The following TRPC5 variants were observed in gnomAD, a reference collection of about 807,000 sequenced individuals.
The protein encoded by TRPC5 is short transient receptor potential channel 5.
Under a neutral mutation model 56.5 loss-of-function variants are expected in TRPC5, and 9 were observed. The observed-to-expected ratio is 0.16, with a 90% CI of 0.10 to 0.28. TRPC5 has a LOEUF of 0.28. TRPC5 is among the 10% of genes least tolerant of loss of function. The pLI, the probability that TRPC5 is intolerant of heterozygous loss-of-function variation, is 1.00. For missense variants in TRPC5, 469 were observed against 748.9 expected, an observed-to-expected ratio of 0.63 and a Z score of 4.36; for synonymous variants, 282 against 278.5, an observed-to-expected ratio of 1.01 and a Z score of -0.13.
intron 2 of TRPC5, among the ~76,000 whole-genome samples, chrX:111,920,271 T>C (rs1185023128): frequency 9.3e-6 from 1 of 108,040 alleles, no homozygotes; most frequent in Non-Finnish European, 1.9e-5. Flanking sequence ...CGAGACTCTG[T>C]CTCAACAAAA....
At chrX:112,029,829 CT>C (rs35476875) in intron 1 of TRPC5, among the ~76,000 whole-genome samples, 16,397 of 98,427 alleles carry the variant, frequency 0.17, 1,441 homozygotes, top group African/African-American at 0.31. Context: ...AAGCCTCATC[CT>C]TTTTTTTTTT....
intron 6 of TRPC5, among the ~76,000 whole-genome samples, chrX:111,840,008 A>C (rs1287115069): frequency 9.0e-6 from 1 of 111,412 alleles, no homozygotes; most frequent in Non-Finnish European, 1.9e-5. Context: ...ATCTCTACTA[A>C]AAATACAAAA....
rs1927111883 is a variant in TRPC5 at position 111,952,307 on chromosome X, A to G, written c.114T>C (p.Asn38=). The stretch of plus-strand genomic sequence containing the variant: ...TGGCATAGTCCCCCTTCTCCACAGC[A>G]TTGAGGAAGGCCTTCTCCTCTGCAG... The part of the protein sequence containing the change: ...ELSAEEKAFL[N]AVEKGDYATV... The change falls in exon 2 of 11, where the codon AAT becomes AAC. Residue 38 remains asparagine, a synonymous_variant. Transcript: ENST00000262839. 4.1e-6 allele frequency: 5 copies of G among 1,211,903 alleles called. No individual in the cohort carries two copies. Among genetic ancestry groups the G allele is most frequent in the Admixed American group, 2.2e-5 (1 of 46,046 alleles).
At chrX:111,937,438 G>C (rs1368251168) in intron 2 of TRPC5, among the ~76,000 whole-genome samples, 1 of 103,633 alleles carries the variant, frequency 9.6e-6, no homozygotes, top group Admixed American at 1.0e-4. Flanking sequence ...GTCCTGAATG[G>C]TATTGCCTAG....
chrX:111,853,682 C>A, intron 4 of TRPC5, 88 bp downstream of exon 4: 2 of 956,352 alleles, frequency 2.1e-6, no homozygotes, highest in Non-Finnish European at 2.9e-6. Context: ...TGCCCTAGTT[C>A]AGAGCTAGTC....
intron 1 of TRPC5, among the ~76,000 whole-genome samples, chrX:111,966,727 A>T (rs1398678335): frequency 8.9e-6 from 1 of 112,606 alleles, no homozygotes; most frequent in Non-Finnish European, 1.9e-5. Flanking sequence ...AAAGACAAAA[A>T]CCACATGATT....
chrX:111,880,424 C>T (rs779478961), intron 3 of TRPC5, among the ~76,000 whole-genome samples: 1 of 112,479 alleles, frequency 8.9e-6, no homozygotes, highest in South Asian at 3.7e-4. Context: ...CTATACATAG[C>T]TTAATGTAAA....
chrX:112,000,808 A>G (rs1481332837), intron 1 of TRPC5, among the ~76,000 whole-genome samples: 2 of 111,479 alleles, frequency 1.8e-5, no homozygotes, highest in Non-Finnish European at 3.8e-5. Context: ...TTTCTACCAC[A>G]TTTGATGGTA....
intron 1 of TRPC5, among the ~76,000 whole-genome samples, chrX:112,011,493 C>T (rs900768655): frequency 1.8e-5 from 2 of 111,779 alleles, no homozygotes; most frequent in Non-Finnish European, 3.8e-5. Context: ...TGGAGGCTCC[C>T]GGGATCTCAA....
intron 2 of TRPC5, among the ~76,000 whole-genome samples, chrX:111,950,162 C>T (rs751622879): frequency 9.1e-6 from 1 of 110,141 alleles, no homozygotes; most frequent in African/African-American, 3.3e-5. Context: ...GTCTCTACTA[C>T]AAATACAAAA....
chrX:112,023,638 C>T (rs1442355969), intron 1 of TRPC5, among the ~76,000 whole-genome samples: 6 of 111,563 alleles, frequency 5.4e-5, no homozygotes, highest in Non-Finnish European at 1.1e-4. Context: ...CTTCTAGAGT[C>T]TGCTATTGAT....
At chrX:111,976,041 C>G (rs1390699180) in intron 1 of TRPC5, among the ~76,000 whole-genome samples, 1 of 112,258 alleles carries the variant, frequency 8.9e-6, no homozygotes, top group Admixed American at 9.4e-5. Context: ...ACTATATTAA[C>G]AGAATAAAAA....
At chrX:111,934,775 C>T (rs1340831095) in intron 2 of TRPC5, among the ~76,000 whole-genome samples, 1 of 111,920 alleles carries the variant, frequency 8.9e-6, no homozygotes, top group Non-Finnish European at 1.9e-5. Flanking sequence ...CCAGCTCTAT[C>T]CAGGTAGTTG....
At chrX:111,812,418 G>A (rs748177127) in intron 7 of TRPC5, among the ~76,000 whole-genome samples, 2 of 111,756 alleles carry the variant, frequency 1.8e-5, no homozygotes, top group Admixed American at 9.5e-5. Context: ...TGGTGCTCAC[G>A]TGACCTCACG....
intron 2 of TRPC5, among the ~76,000 whole-genome samples, chrX:111,917,012 A>C (rs1298557100): frequency 2.7e-5 from 3 of 113,026 alleles, no homozygotes; most frequent in Non-Finnish European, 5.6e-5. Flanking sequence ...GACCACGGGG[A>C]ACCACTGAGG....
At chrX:112,047,352 T>C (rs1930066763) in intron 1 of TRPC5, among the ~76,000 whole-genome samples, 1 of 111,365 alleles carries the variant, frequency 9.0e-6, no homozygotes, top group African/African-American at 3.3e-5. Context: ...TTAGGACAGA[T>C]TGTTAGGCCT....
chrX:111,881,282 T>C (rs368052212), intron 3 of TRPC5, among the ~76,000 whole-genome samples: 4 of 110,472 alleles, frequency 3.6e-5, no homozygotes, highest in African/African-American at 1.3e-4. Context: ...GTTCAAGTGA[T>C]TCTCCTGCCT....
At chrX:112,002,398 C>G (rs187986649) in intron 1 of TRPC5, among the ~76,000 whole-genome samples, 139 of 111,754 alleles carry the variant, frequency 1.2e-3, no homozygotes, top group African/African-American at 4.3e-3. Flanking sequence ...AAGTGATCCT[C>G]CAGACTCAGT....
intron 1 of TRPC5, among the ~76,000 whole-genome samples, chrX:111,959,594 A>G (rs2148641743): frequency 8.9e-6 from 1 of 112,001 alleles, no homozygotes; most frequent in South Asian, 3.8e-4. Context: ...GGGCGATGGG[A>G]CATAATCATG....
Sources: gnomAD v4.1 joint callset for allele counts (sites outside exome capture counted in the v4.1 genomes callset) on GRCh38, gnomAD v4.1.1 for gene constraint, MANE v1.5 for transcripts, NCBI Gene and HGNC (gene_info 2026-07-23, HGNC 2026-07-21) for gene names.